GPM6A: variants seen among roughly 807,000 people sequenced by gnomAD.
GPM6A encodes the protein glycoprotein M6A.
GPM6A carries 7 observed loss-of-function variants against 32.1 expected under a neutral mutation model. That is an observed-to-expected ratio of 0.22 (90% CI 0.12 to 0.41). The LOEUF (loss-of-function observed/expected upper bound fraction) is 0.41. GPM6A is among the 10% of genes least tolerant of loss of function. The pLI, the probability that GPM6A is intolerant of heterozygous loss-of-function variation, is 1.00. For missense variants in GPM6A, 235 were observed against 347.2 expected (o/e 0.68, Z 2.57); for synonymous variants, 130 against 123.4 (o/e 1.05, Z -0.35).
intron 2 of GPM6A, among the ~76,000 whole-genome samples, chr4:175,688,502 T>C (rs1466279043): frequency 1.3e-5 from 2 of 152,202 alleles, no homozygotes; most frequent in Admixed American, 6.5e-5. Flanking sequence ...TGATAGTATA[T>C]GCTTGAGTTT....
At chr4:175,851,476 C>A (rs1736255888) in intron 1 of GPM6A, among the ~76,000 whole-genome samples, 1 of 146,804 alleles carries the variant, frequency 6.8e-6, no homozygotes, top group African/African-American at 2.5e-5. Context: ...CAGGGTGAGA[C>A]TCCGTCTCAA....
At chr4:175,884,530 TTA>T (rs1238880937) in intron 1 of GPM6A, among the ~76,000 whole-genome samples, 1 of 152,124 alleles carries the variant, frequency 6.6e-6, no homozygotes, top group Non-Finnish European at 1.5e-5. Flanking sequence ...GTGACCAAAA[TTA>T]TAATTATAAT....
At chr4:175,689,248 C>T (rs1744159010) in intron 2 of GPM6A, among the ~76,000 whole-genome samples, 2 of 152,240 alleles carry the variant, frequency 1.3e-5, no homozygotes, top group African/African-American at 4.8e-5. Context: ...GCAAAATATA[C>T]CATTGTGATT....
chr4:175,748,467 C>T (rs1395501188), intron 1 of GPM6A, among the ~76,000 whole-genome samples: 2 of 152,144 alleles, frequency 1.3e-5, no homozygotes, highest in African/African-American at 2.4e-5. Flanking sequence ...TCAGAGCACT[C>T]GGGTGACAAA....
intron 1 of GPM6A, among the ~76,000 whole-genome samples, chr4:175,761,562 C>T (rs562893877): frequency 5.3e-5 from 8 of 151,638 alleles, no homozygotes; most frequent in African/African-American, 9.7e-5. Flanking sequence ...TCTATTTTGC[C>T]GCAATTAAAT....
At chr4:175,696,032 AG>A (rs1186683843) in intron 2 of GPM6A, among the ~76,000 whole-genome samples, 7 of 152,168 alleles carry the variant, frequency 4.6e-5, no homozygotes, top group African/African-American at 1.4e-4. Context: ...AACAGACTTA[AG>A]GCAGCATGAA....
chr4:175,673,286 T>C (rs980310023), intron 3 of GPM6A, among the ~76,000 whole-genome samples: 15 of 152,022 alleles, frequency 9.9e-5, no homozygotes, highest in African/African-American at 2.9e-4. Context: ...TCATATGATA[T>C]AGCTGTCCTC....
At chr4:175,639,449 A>T (rs1309177103) in intron 6 of GPM6A, among the ~76,000 whole-genome samples, 3 of 152,150 alleles carry the variant, frequency 2.0e-5, no homozygotes, top group Admixed American at 6.6e-5. Context: ...TAGACTACTC[A>T]TCCTCAAGGA....
At chr4:175,972,769 T>C (rs534933907) in intron 1 of GPM6A, among the ~76,000 whole-genome samples, 12 of 152,332 alleles carry the variant, frequency 7.9e-5, no homozygotes, top group Admixed American at 7.8e-4. Context: ...TCCATTGTTA[T>C]GCAAAGTTTC....
At chr4:175,757,734 G>C (rs1304606791) in intron 1 of GPM6A, among the ~76,000 whole-genome samples, 1 of 152,112 alleles carries the variant, frequency 6.6e-6, no homozygotes, top group Non-Finnish European at 1.5e-5. Context: ...GTATCTGAGA[G>C]AATCATATGC....
chr4:175,723,252 C>T (rs1037411613), intron 1 of GPM6A, among the ~76,000 whole-genome samples: 2 of 152,074 alleles, frequency 1.3e-5, no homozygotes, highest in Non-Finnish European at 2.9e-5. Flanking sequence ...GTGACAGAAA[C>T]AAGCTTGACC....
intron 1 of GPM6A, among the ~76,000 whole-genome samples, chr4:175,729,793 C>CTATTA (rs138769132): frequency 7.0e-6 from 1 of 141,980 alleles, no homozygotes; most frequent in Admixed American, 7.2e-5. Context: ...AATATATTAT[C>CTATTA]TATTATATTA....
chr4:175,837,096 A>C (rs1206815129), intron 1 of GPM6A, among the ~76,000 whole-genome samples: 1 of 152,134 alleles, frequency 6.6e-6, no homozygotes, highest in African/African-American at 2.4e-5. Flanking sequence ...TCAGAGAAGA[A>C]CCATGTGACA....
intron 1 of GPM6A, among the ~76,000 whole-genome samples, chr4:175,845,614 C>A (rs1736063666): frequency 6.6e-6 from 1 of 152,050 alleles, no homozygotes; most frequent in South Asian, 2.1e-4. Context: ...TATGCAGGTT[C>A]CAGTTCAGAT....
At chr4:175,680,716 T>C (rs373388483) in intron 2 of GPM6A, among the ~76,000 whole-genome samples, 21 of 152,320 alleles carry the variant, frequency 1.4e-4, no homozygotes, top group African/African-American at 5.1e-4. Context: ...TCCTGTTCCT[T>C]GTAGGTAACC....
intron 1 of GPM6A, among the ~76,000 whole-genome samples, chr4:175,791,412 G>A (rs1734008659): frequency 6.6e-6 from 1 of 152,182 alleles, no homozygotes; most frequent in African/African-American, 2.4e-5. Context: ...CAGAGGTTAA[G>A]TGACTTGCCA....
At chr4:175,835,534 C>G (rs771938486) in intron 1 of GPM6A, among the ~76,000 whole-genome samples, 2 of 150,952 alleles carry the variant, frequency 1.3e-5, no homozygotes, top group East Asian at 3.9e-4. Flanking sequence ...TTTCTAACCA[C>G]CACTATACTG....
chr4:175,839,723 G>GA (rs1735879193), intron 1 of GPM6A, among the ~76,000 whole-genome samples: 1 of 152,062 alleles, frequency 6.6e-6, no homozygotes, highest in African/African-American at 2.4e-5. Flanking sequence ...TAGATTTCAA[G>GA]AAAAATACTT....
intron 1 of GPM6A, among the ~76,000 whole-genome samples, chr4:175,878,758 A>G (rs1299700274): frequency 1.3e-5 from 2 of 152,024 alleles, no homozygotes; most frequent in Non-Finnish European, 2.9e-5. Context: ...TACTTGTGCA[A>G]ATTTCTGCAG....
Sources: gnomAD v4.1 joint callset for allele counts (sites outside exome capture counted in the v4.1 genomes callset) on GRCh38, gnomAD v4.1.1 for gene constraint, MANE v1.5 for transcripts, NCBI Gene and HGNC (gene_info 2026-07-23, HGNC 2026-07-21) for gene names.